Variants in IQGAP2 observed in about 807,000 individuals in gnomAD.
IQGAP2 encodes ras GTPase-activating-like protein IQGAP2.
A neutral mutation model predicts 201.3 loss-of-function variants in IQGAP2; 173 were observed. That is an observed-to-expected ratio of 0.86 (90% CI 0.76 to 0.98). The LOEUF (loss-of-function observed/expected upper bound fraction) is 0.98. IQGAP2 is among the 50% of genes least tolerant of loss of function. The pLI is 0.00. For missense variants in IQGAP2, 1,687 were observed against 1,864.8 expected, an observed-to-expected ratio of 0.90 and a Z score of 1.76; for synonymous variants, 675 against 673.9, an observed-to-expected ratio of 1.00 and a Z score of -0.03.
At chr5:76,567,736 A>C (rs993114332) in intron 3 of IQGAP2, among the ~76,000 whole-genome samples, 1 of 152,168 alleles carries the variant, frequency 6.6e-6, no homozygotes, top group Non-Finnish European at 1.5e-5. Flanking sequence ...AATTTGGATA[A>C]TGTTATTTGT....
intron 1 of IQGAP2, among the ~76,000 whole-genome samples, chr5:76,461,089 AG>A (rs1580242551): frequency 6.6e-6 from 1 of 152,034 alleles, no homozygotes; most frequent in Non-Finnish European, 1.5e-5. Context: ...CGTGTTAGCC[AG>A]GATGGTCTGG....
intron 2 of IQGAP2, among the ~76,000 whole-genome samples, chr5:76,506,501 A>G (rs534360531): frequency 1.3e-5 from 2 of 152,352 alleles, no homozygotes; most frequent in South Asian, 4.1e-4. Context: ...GATTTGACAT[A>G]ACAGTTAAGA....
At chr5:76,465,992 C>G (rs1230974043) in intron 2 of IQGAP2, among the ~76,000 whole-genome samples, 1 of 152,024 alleles carries the variant, frequency 6.6e-6, no homozygotes, top group African/African-American at 2.4e-5. Flanking sequence ...TAGAAATATT[C>G]CCAGCTGCCT....
At chr5:76,502,810 G>A (rs1757351306) in intron 2 of IQGAP2, among the ~76,000 whole-genome samples, 1 of 152,032 alleles carries the variant, frequency 6.6e-6, no homozygotes, top group African/African-American at 2.4e-5. Context: ...GTCATAGCTT[G>A]CTGCAGCCTG....
intron 13 of IQGAP2, chr5:76,618,657 A>C (rs768547658): frequency 1.3e-6 from 2 of 1,582,604 alleles, no homozygotes; most frequent in East Asian, 4.5e-5. Flanking sequence ...AATTGAAAGA[A>C]AGTATTAACA....
intron 1 of IQGAP2, among the ~76,000 whole-genome samples, chr5:76,416,214 A>G (rs768429523): frequency 6.6e-6 from 1 of 152,348 alleles, no homozygotes; most frequent in Middle Eastern, 3.4e-3. Context: ...ATGTGATCAC[A>G]GCCTGTATAA....
chr5:76,557,829 C>G (rs936253618), intron 2 of IQGAP2, among the ~76,000 whole-genome samples: 29 of 152,056 alleles, frequency 1.9e-4, no homozygotes, highest in Non-Finnish European at 2.5e-4. Context: ...TTTTTTGAGA[C>G]AGAGTCTCAC....
At chr5:76,486,528 A>G (rs2150150579) in intron 2 of IQGAP2, among the ~76,000 whole-genome samples, 1 of 152,302 alleles carries the variant, frequency 6.6e-6, no homozygotes, top group East Asian at 1.9e-4. Context: ...ACGGTTATCA[A>G]CCTGTTAGAT....
chr5:76,655,142 G>T (rs985824994), intron 20 of IQGAP2, 139 bp downstream of exon 20: 23 of 608,548 alleles, frequency 3.8e-5, no homozygotes, highest in Non-Finnish European at 6.0e-5. Context: ...ATCATCTCAG[G>T]CCCCAGGTTC....
chr5:76,633,072 A>G (rs1750838083), intron 15 of IQGAP2, among the ~76,000 whole-genome samples: 3 of 152,200 alleles, frequency 2.0e-5, no homozygotes, highest in Admixed American at 2.0e-4. Context: ...ATAATTGTAT[A>G]AATGAGCTAT....
intron 1 of IQGAP2, among the ~76,000 whole-genome samples, chr5:76,417,271 T>C (rs1269105759): frequency 6.6e-6 from 1 of 152,062 alleles, no homozygotes; most frequent in Non-Finnish European, 1.5e-5. Flanking sequence ...CTTAGCTTTG[T>C]GACATATGTT....
chr5:76,438,723 A>G (rs1201198032), intron 1 of IQGAP2, among the ~76,000 whole-genome samples: 1 of 152,162 alleles, frequency 6.6e-6, no homozygotes, highest in East Asian at 1.9e-4. Context: ...GATTGCAGGC[A>G]AGAGCCACCG....
chr5:76,514,686 A>G (rs1312408194), intron 2 of IQGAP2, among the ~76,000 whole-genome samples: 1 of 152,150 alleles, frequency 6.6e-6, no homozygotes, highest in Non-Finnish European at 1.5e-5. Context: ...CTATCATAGT[A>G]TGTTGTTTGT....
chr5:76,533,214 T>C (rs1759418578), intron 2 of IQGAP2, among the ~76,000 whole-genome samples: 1 of 152,102 alleles, frequency 6.6e-6, no homozygotes, highest in African/African-American at 2.4e-5. Flanking sequence ...TAGCATCTTG[T>C]GTTAGAGCCA....
At chr5:76,429,388 C>T (rs754373155) in intron 1 of IQGAP2, among the ~76,000 whole-genome samples, 2 of 151,202 alleles carry the variant, frequency 1.3e-5, no homozygotes, top group Non-Finnish European at 2.9e-5. Context: ...CTGGCTAACA[C>T]GGTGAAACCC....
In IQGAP2 at chr5:76,590,903, A is replaced by G. The variant is rs143802235; in HGVS notation, c.819+317A>G. ...GGAGTTCAAAACGAGCCTGCGCGCT[A>G]TAGTGAGACCCTGTCTCTAAGAAAA... On this transcript the variant is annotated intron_variant, in intron 8 of 35. Transcript: ENST00000274364. Among the ~76,000 whole-genome samples the G allele has an allele frequency of 9.7e-4, 148 of 152,038 alleles. 1 individual carries two copies. Among genetic ancestry groups the G allele is most frequent in the African/African-American group, 3.3e-3 (136 of 41,494 alleles).
At chr5:76,501,733 C>G (rs1024957770) in intron 2 of IQGAP2, among the ~76,000 whole-genome samples, 9 of 150,666 alleles carry the variant, frequency 6.0e-5, no homozygotes, top group Admixed American at 6.0e-4. Flanking sequence ...ACCTCCGCCT[C>G]CTGGGTTCAA....
At chr5:76,504,147 C>T (rs1757459117) in intron 2 of IQGAP2, among the ~76,000 whole-genome samples, 1 of 152,190 alleles carries the variant, frequency 6.6e-6, no homozygotes, top group Non-Finnish European at 1.5e-5. Flanking sequence ...TTCCTCCAAA[C>T]AGTAATAGGG....
rs182285120 is a variant in IQGAP2 at position 76,551,670 on chromosome 5, C to T, written c.147-10726C>T. Among the ~76,000 whole-genome samples, 1,488 of 152,254 alleles carry T rather than the reference C, an allele frequency of 9.8e-3. 14 individuals carry two copies. The highest frequency in any genetic ancestry group is 0.033 in the African/African-American group (1,353 of 41,544). ...GAGCTGGAGACCAGCCCAGCCAACA[C>T]GGCGAAACCCCGTCTCCACCAAAAA... On this transcript the variant is annotated intron_variant, in intron 2 of 35. Transcript: ENST00000274364.
Sources: gnomAD v4.1 joint callset for allele counts (sites outside exome capture counted in the v4.1 genomes callset) on GRCh38, gnomAD v4.1.1 for gene constraint, MANE v1.5 for transcripts, NCBI Gene and HGNC (gene_info 2026-07-23, HGNC 2026-07-21) for gene names.